Variants in PSME3 observed in about 807,000 individuals in gnomAD.
PSME3 encodes proteasome activator subunit 3, also known as proteasome activator complex subunit 3.
In PSME3, 7 loss-of-function variants were observed where a neutral mutation model predicts 38.3. That is an observed-to-expected ratio of 0.18 (90% confidence interval 0.10 to 0.34). The LOEUF (loss-of-function observed/expected upper bound fraction) is 0.34. Among genes scored for constraint, PSME3 ranks in the 10% least tolerant of loss-of-function variants. PSME3 has a pLI of 1.00. For missense variants in PSME3, 192 were observed against 307.6 expected (o/e 0.62, Z 2.81); for synonymous variants, 108 against 105.7 (o/e 1.02, Z -0.13).
chr17:42,834,291 C>G, intron 1 of PSME3, 53 bp from the exon 2 acceptor site: 1 of 1,612,746 alleles, frequency 6.2e-7, no homozygotes, highest in Non-Finnish European at 8.5e-7. Flanking sequence ...GATTCTCCAT[C>G]CTGCTCTTAC....
chr17:42,837,941 C>A (rs908250618), intron 5 of PSME3, 152 bp from the exon 6 acceptor site: 2 of 900,502 alleles, frequency 2.2e-6, no homozygotes, highest in Non-Finnish European at 3.5e-6. Context: ...TTTTTCCATA[C>A]ATTCTCGTTG....
Position 42,841,624 on chromosome 17 carries a change from G to A in PSME3, c.*46G>A, listed in dbSNP as rs934058214. The A allele has an allele frequency of 6.6e-6, 9 of 1,357,600 alleles. No homozygotes were observed. Among genetic ancestry groups the A allele is most frequent in the East Asian group, 2.5e-5 (1 of 40,774 alleles). The allele number at this position is 1,357,600 out of a possible 1,614,324, so 84.1% of individuals were successfully genotyped here. A position where few individuals can be genotyped will look rare whatever the true frequency, so the allele number is the denominator to read the frequency against. On this transcript the variant is annotated 3_prime_UTR_variant, in exon 11 of 11. Coordinates refer to ENST00000590720, the MANE Select transcript of PSME3 (RefSeq NM_005789.4). Reference sequence around the variant, plus strand: ...GACTCTGTGAGTCTGGCTCAAGACCGACATTGCCTTGGTTTGTTACATGAC... The same window carrying A: ...GACTCTGTGAGTCTGGCTCAAGACCAACATTGCCTTGGTTTGTTACATGAC...
Position 42,839,316 on chromosome 17 carries a change from C to G in PSME3, c.620C>G (p.Thr207Arg). The G allele has an allele frequency of 6.2e-7, 1 of 1,613,772 alleles. No individual in the cohort carries two copies. Among genetic ancestry groups the G allele is most frequent in the Non-Finnish European group, 8.5e-7 (1 of 1,179,748 alleles). Reference protein sequence around the residue: ...PHVEDYRRTVTEIDEKEYISL... With the variant: ...PHVEDYRRTVREIDEKEYISL... ...CAGGAGGACTATCGCCGCACCGTGA[C>G]AGAGATTGATGAGAAAGAATATATC... The change falls in exon 10 of 11, where the codon ACA becomes AGA. Residue 207 changes from threonine to arginine, a missense_variant. Thr to Arg is a moderately conservative substitution (Grantham distance 71, BLOSUM62 -1). Around this residue, in one of 2 missense-constraint regions of PSME3, gnomAD observed 82 missense variants for 168.2 expected, o/e 0.49. Coordinates refer to ENST00000590720, the MANE Select transcript of PSME3 (RefSeq NM_005789.4).
intron 10 of PSME3, among the ~76,000 whole-genome samples, chr17:42,839,861 TG>T (rs2055509572): frequency 2.0e-5 from 3 of 151,356 alleles, no homozygotes; most frequent in Non-Finnish European, 4.4e-5. Flanking sequence ...CCGGGCCTGG[TG>T]GCACATGTCT....
chr17:42,838,909 G>T, intron 7 of PSME3, 36 bp from the exon 8 acceptor site: 4 of 1,612,532 alleles, frequency 2.5e-6, no homozygotes, highest in Non-Finnish European at 3.4e-6. Flanking sequence ...TGACATGGAA[G>T]TGGCTTTTGA....
chr17:42,837,909 T>C (rs1346145289), intron 5 of PSME3, among the ~76,000 whole-genome samples, 184 bp from the exon 6 acceptor site: 1 of 152,260 alleles, frequency 6.6e-6, no homozygotes, highest in African/African-American at 2.4e-5. Flanking sequence ...TGTTATGTTT[T>C]AGACGCTCAT....
Position 42,834,437 on chromosome 17 carries a change from G to GGAGAGA in PSME3, c.76-51_76-46dup, listed in dbSNP as rs59492997. On this transcript the variant is annotated intron_variant, in intron 2 of 10. Transcript: ENST00000590720. ...AGAATTTCCCAAAGAGGAGATACCTGGAGAGAGAGAGAGAGAGAGAGAGAG... is the reference window on the plus strand; with the variant it reads ...AGAATTTCCCAAAGAGGAGATACCTGGAGAGAGAGAGAGAGAGAGAGAGAGAGAGAG... 3.1e-3 allele frequency: 4,830 copies of GGAGAGA among 1,535,942 alleles called. 31 individuals carry two copies. Among genetic ancestry groups the GGAGAGA allele is most frequent in the African/African-American group, 0.024 (1,727 of 70,712 alleles).
At chr17:42,839,202 G>A (rs1321391604) in intron 9 of PSME3, 36 bp downstream of exon 9, 1 of 1,563,352 alleles carries the variant, frequency 6.4e-7, no homozygotes, top group East Asian at 2.2e-5. Context: ...GGTGGAGGTG[G>A]CAGGATAGTG....
intron 4 of PSME3, 28 bp from the exon 5 acceptor site, chr17:42,837,621 G>A: frequency 6.2e-7 from 1 of 1,612,880 alleles, no homozygotes; most frequent in African/African-American, 1.3e-5. Context: ...TCAAAACTAG[G>A]CTCATCCCTG....
intron 4 of PSME3, among the ~76,000 whole-genome samples, chr17:42,835,245 C>T (rs1182759325): frequency 1.3e-5 from 2 of 152,146 alleles, no homozygotes; most frequent in East Asian, 1.9e-4. Context: ...CCATGTTGCC[C>T]AGGCCGGTCT....
intron 6 of PSME3, 183 bp from the exon 7 acceptor site, chr17:42,838,548 C>A: frequency 5.9e-6 from 4 of 680,850 alleles, no homozygotes; most frequent in South Asian, 5.8e-5. Context: ...GAACTCCTGA[C>A]CTCAGGTGAT....
At position 42,838,284 on chromosome 17, in the gene PSME3, G is replaced by A. The variant is rs2055488217; in HGVS notation, c.405+79G>A. On this transcript the variant is annotated intron_variant, in intron 6 of 10. Transcript: ENST00000590720. The stretch of plus-strand genomic sequence containing the variant: ...GCAAAAAACAGTGGATGTACGGGTG[G>A]TATGGGAATTGGCAGACTAGGTTTT... The A allele has an allele frequency of 2.5e-6, 4 of 1,579,892 alleles. No individual in the cohort carries two copies. The Admixed American group carries it at 5.6e-5, about 22-fold the overall frequency.
chr17:42,840,975 T>TA (rs932986236), intron 10 of PSME3, among the ~76,000 whole-genome samples: 2 of 151,002 alleles, frequency 1.3e-5, no homozygotes, highest in Non-Finnish European at 3.0e-5. Flanking sequence ...GTACTAAAAA[T>TA]AAAAAAAATT....
intron 1 of PSME3, 84 bp downstream of exon 1, chr17:42,833,757 G>T: frequency 3.7e-6 from 6 of 1,612,366 alleles, no homozygotes; most frequent in Non-Finnish European, 5.1e-6. Flanking sequence ...TGGCGTCTTT[G>T]TCTCCCTGGG....
At chr17:42,839,676 T>A (rs966132966) in intron 10 of PSME3, among the ~76,000 whole-genome samples, 6 of 152,152 alleles carry the variant, frequency 3.9e-5, no homozygotes, top group Non-Finnish European at 8.8e-5. Flanking sequence ...AGCAAATTGT[T>A]CAAGCTTAAA....
chr17:42,834,084 T>C, intron 1 of PSME3: 1 of 1,446,444 alleles, frequency 6.9e-7, no homozygotes, highest in Non-Finnish European at 9.0e-7. Flanking sequence ...TGTCTGCTTA[T>C]CAAATTCAGA....
intron 1 of PSME3, chr17:42,833,980 G>A: frequency 7.0e-7 from 1 of 1,437,740 alleles, no homozygotes; most frequent in East Asian, 2.5e-5. Flanking sequence ...CACTGCCCCT[G>A]CCCTTGGCGG....
Position 42,843,375 on chromosome 17 carries a change from T to G in PSME3, c.*1797T>G, listed in dbSNP as rs2055557970. ...TCCTTATGCCAGTTGAGCTGAATCT[T>G]TTCCCCAGTATAGTGGAAAGACTGA... On this transcript the variant is annotated 3_prime_UTR_variant, in exon 11 of 11. Coordinates refer to ENST00000590720, the MANE Select transcript of PSME3 (RefSeq NM_005789.4). 1.3e-5 allele frequency: 2 copies of G among 152,636 alleles called. No individual in the cohort carries two copies. The highest frequency in any genetic ancestry group is 4.1e-4 in the South Asian group (2 of 4,830). 9.5% of individuals were successfully genotyped at this position (152,636 alleles called of 1,614,324 possible).
At chr17:42,834,126 G>A in intron 1 of PSME3, 9 of 1,464,504 alleles carry the variant, frequency 6.1e-6, no homozygotes, top group Non-Finnish European at 8.1e-6. Flanking sequence ...GGGAGGGAAG[G>A]GGGAGGACAG....
Sources: allele counts gnomAD v4.1 joint callset (sites outside exome capture counted in the v4.1 genomes callset), GRCh38; gene constraint gnomAD v4.1.1; regional missense constraint gnomAD v4.1.1; transcripts MANE v1.5; gene names NCBI Gene and HGNC (gene_info 2026-07-23, HGNC 2026-07-21).